The following SLC4A5 variants were observed in gnomAD, a reference collection of about 807,000 sequenced individuals.
SLC4A5 encodes solute carrier family 4 member 5.
Under a neutral mutation model 120.4 loss-of-function variants are expected in SLC4A5, and 96 were observed. The observed-to-expected ratio is 0.80, with a 90% CI of 0.68 to 0.94. The LOEUF (loss-of-function observed/expected upper bound fraction) is 0.94. SLC4A5 is among the 40% of genes least tolerant of loss of function. The probability of loss-of-function intolerance (pLI) is 0.00; values close to 1 mark genes in which losing one functional copy is unlikely to be tolerated. For synonymous variants in SLC4A5, 550 were observed against 571.1 expected, an observed-to-expected ratio of 0.96 and a Z score of 0.53; for missense variants, 1,259 against 1,459.5, an observed-to-expected ratio of 0.86 and a Z score of 2.24.
chr2:74,253,293 C>T (rs1670852143), intron 14 of SLC4A5, among the ~76,000 whole-genome samples, 165 bp from the exon 15 acceptor site: 1 of 152,180 alleles, frequency 6.6e-6, no homozygotes, highest in Non-Finnish European at 1.5e-5. Flanking sequence ...TAAAATATGG[C>T]ACAATGGGAC....
At chr2:74,243,492 G>C (rs529369139) in intron 19 of SLC4A5, among the ~76,000 whole-genome samples, 1 of 152,190 alleles carries the variant, frequency 6.6e-6, no homozygotes, top group African/African-American at 2.4e-5. Context: ...TCTGAGGAAG[G>C]CTTCATTTAT....
At chr2:74,273,112 A>C (rs1018070368) in intron 8 of SLC4A5, among the ~76,000 whole-genome samples, 2 of 152,224 alleles carry the variant, frequency 1.3e-5, no homozygotes, top group Non-Finnish European at 2.9e-5. Flanking sequence ...TGACAATCAG[A>C]CATCAATATT....
chr2:74,240,041 T>G (rs916279119), intron 20 of SLC4A5, among the ~76,000 whole-genome samples: 1 of 145,382 alleles, frequency 6.9e-6, no homozygotes, highest in African/African-American at 2.5e-5. Flanking sequence ...ATATATAAAT[T>G]TATATATATA....
chr2:74,269,256 G>C (rs1488783505), intron 8 of SLC4A5, among the ~76,000 whole-genome samples: 1 of 152,084 alleles, frequency 6.6e-6, no homozygotes, highest in Non-Finnish European at 1.5e-5. Flanking sequence ...GCCCAGGCTG[G>C]AGTGCAATGG....
At chr2:74,306,495 A>T (rs1672648604) in intron 6 of SLC4A5, among the ~76,000 whole-genome samples, 1 of 152,164 alleles carries the variant, frequency 6.6e-6, no homozygotes, top group Non-Finnish European at 1.5e-5. Flanking sequence ...CTCCAAAGTA[A>T]AACTGTCTTT....
chr2:74,241,233 CCTTT>C (rs1367050423), intron 20 of SLC4A5, among the ~76,000 whole-genome samples: 2 of 147,274 alleles, frequency 1.4e-5, no homozygotes, highest in African/African-American at 2.6e-5. Context: ...ACTTCCCCTT[CCTTT>C]GTGTGCGTGT....
chr2:74,302,811 T>C (rs1672513051), intron 7 of SLC4A5, among the ~76,000 whole-genome samples: 1 of 152,126 alleles, frequency 6.6e-6, no homozygotes, highest in African/African-American at 2.4e-5. Context: ...GCTTTCTTCT[T>C]CTCTGGCTCA....
At position 74,245,563 on chromosome 2, in the gene SLC4A5, C is replaced by T. The variant is rs371008252; in HGVS notation, c.2059+1473G>A. 3.0e-4 allele frequency among the ~76,000 whole-genome samples: 45 copies of T among 152,232 alleles called. 1 individual carries two copies. The South Asian group carries it at 8.9e-3, about 30-fold the overall frequency. On this transcript the variant is annotated intron_variant, in intron 19 of 30. Coordinates refer to ENST00000394019, the Ensembl canonical transcript of SLC4A5. Reference sequence around the variant, plus strand: ...GATCCCCTCTGGGCAAGCAACATGCCTTGGCTCAGAACAAAGGGTAGCATC... The same window carrying T: ...GATCCCCTCTGGGCAAGCAACATGCTTTGGCTCAGAACAAAGGGTAGCATC...
chr2:74,266,144 C>T (rs1280389818), intron 8 of SLC4A5, among the ~76,000 whole-genome samples: 3 of 152,166 alleles, frequency 2.0e-5, no homozygotes, highest in Non-Finnish European at 4.4e-5. Context: ...GGGGATGGGG[C>T]ATGCCTTAGC....
chr2:74,250,270 G>A (rs1014947302), intron 17 of SLC4A5, 73 bp downstream of exon 17: 2 of 1,532,446 alleles, frequency 1.3e-6, no homozygotes, highest in Non-Finnish European at 1.8e-6. Flanking sequence ...TGGGATTACA[G>A]GATGAAGCTT....
At chr2:74,247,067 G>A (rs777699118) in exon 19 of SLC4A5, 1 of 1,614,176 alleles carries the variant, frequency 6.2e-7, no homozygotes, top group South Asian at 1.1e-5. Flanking sequence ...CGCACTTGTA[G>A]GTAGTGATGA....
intron 16 of SLC4A5, among the ~76,000 whole-genome samples, chr2:74,251,515 G>T (rs557056680): frequency 4.6e-5 from 7 of 151,778 alleles, no homozygotes; most frequent in Admixed American, 4.6e-4. Context: ...TTTTAAAAAA[G>T]GTACTGTTAT....
exon 8 of SLC4A5, chr2:74,285,866 C>T (rs146951039): frequency 2.5e-6 from 4 of 1,611,386 alleles, no homozygotes; most frequent in South Asian, 2.2e-5. Flanking sequence ...ATCTTCCTCC[C>T]CCAGGATGTC....
intron 21 of SLC4A5, among the ~76,000 whole-genome samples, chr2:74,237,218 C>T (rs763954107): frequency 2.6e-5 from 4 of 152,102 alleles, no homozygotes; most frequent in South Asian, 4.1e-4. Context: ...CTTCGTGATC[C>T]GCCTGCCTGG....
At chr2:74,294,218 T>A (rs3771733) in intron 7 of SLC4A5, among the ~76,000 whole-genome samples, 1 of 151,948 alleles carries the variant, frequency 6.6e-6, no homozygotes, top group African/African-American at 2.4e-5. Context: ...CCATCTGAGT[T>A]CCCTACGCCA....
At chr2:74,250,865 C>A in intron 16 of SLC4A5, 1 of 230,568 alleles carries the variant, frequency 4.3e-6, no homozygotes, top group Non-Finnish European at 8.5e-6. Context: ...AGGGTGCCTG[C>A]TCTTGGTGAA....
At chr2:74,221,393 C>A in intron 30 of SLC4A5, 41 bp downstream of exon 30, 1 of 1,479,518 alleles carries the variant, frequency 6.8e-7, no homozygotes. Context: ...ATTTCCTAGT[C>A]TCTTACCTAA....
chr2:74,330,653 G>C (rs1187495367), intron 4 of SLC4A5, among the ~76,000 whole-genome samples: 1 of 139,040 alleles, frequency 7.2e-6, no homozygotes, highest in Non-Finnish European at 1.5e-5. Context: ...GTCTAGATGG[G>C]GGTGGTGAGG....
At chr2:74,285,630 G>GAC in intron 8 of SLC4A5, 143 bp downstream of exon 8, 1 of 867,140 alleles carries the variant, frequency 1.2e-6, no homozygotes, top group Non-Finnish European at 1.7e-6. Context: ...CTTAGTTCTG[G>GAC]ACACCAAGGA....
Sources: allele counts gnomAD v4.1 joint callset (sites outside exome capture counted in the v4.1 genomes callset), GRCh38; gene constraint gnomAD v4.1.1; transcripts MANE v1.5; gene names NCBI Gene and HGNC (gene_info 2026-07-23, HGNC 2026-07-21).